STXBP3: variants seen among roughly 807,000 people sequenced by gnomAD.
STXBP3 encodes the protein syntaxin binding protein 3.
A neutral mutation model predicts 85.7 loss-of-function variants in STXBP3; 41 were observed. That is an observed-to-expected ratio of 0.48 (90% CI 0.37 to 0.62). STXBP3 has a LOEUF of 0.62. STXBP3 is among the 20% of genes least tolerant of loss of function. STXBP3 has a pLI of 0.00. For missense variants in STXBP3, 563 were observed against 703.1 expected (o/e 0.80, Z 2.25); for synonymous variants, 229 against 231.7 (o/e 0.99, Z 0.10).
intron 15 of STXBP3, among the ~76,000 whole-genome samples, chr1:108,797,330 A>C: frequency 7.6e-6 from 1 of 132,346 alleles, no homozygotes; most frequent in Admixed American, 9.4e-5. Flanking sequence ...ACAAAGTGAG[A>C]CTCTGTCTCA....
chr1:108,753,046 T>G lies in STXBP3; in HGVS notation c.100-17T>G. ...ATAGGATGCTTACAGTATTTTTAAA[T>G]TTGTGTTTGTTTTAAGATAATGCTT... is the stretch of plus-strand genomic sequence containing the variant. On this transcript the variant is annotated splice_polypyrimidine_tract_variant and intron_variant, in intron 2 of 18. Coordinates refer to ENST00000370008, the MANE Select transcript of STXBP3 (RefSeq NM_007269.4). 1 of 1,529,926 alleles carries G rather than the reference T, an allele frequency of 6.5e-7. No individual in the cohort carries two copies. The highest frequency in any genetic ancestry group is 8.8e-7 in the Non-Finnish European group (1 of 1,140,186). 94.8% of individuals were successfully genotyped at this position (1,529,926 alleles called of 1,614,324 possible).
At chr1:108,789,686 T>A (rs1370802050) in intron 11 of STXBP3, among the ~76,000 whole-genome samples, 1 of 152,206 alleles carries the variant, frequency 6.6e-6, no homozygotes, top group Non-Finnish European at 1.5e-5. Context: ...TTTCTAGTTA[T>A]CTTTCTGTTA....
chr1:108,780,705 A>T (rs1662698912), intron 9 of STXBP3: 1 of 151,548 alleles, frequency 6.6e-6, no homozygotes, highest in Admixed American at 6.6e-5. Context: ...AATACAAAGC[A>T]GCAGGAAGCT....
At chr1:108,757,771 G>T (rs1258916764) in intron 4 of STXBP3, among the ~76,000 whole-genome samples, 1 of 151,910 alleles carries the variant, frequency 6.6e-6, no homozygotes, top group Non-Finnish European at 1.5e-5. Context: ...TTATTGTTAG[G>T]AAATAAATAA....
chr1:108,764,362 T>C (rs920782125), intron 6 of STXBP3, among the ~76,000 whole-genome samples: 1 of 152,178 alleles, frequency 6.6e-6, no homozygotes, highest in Non-Finnish European at 1.5e-5. Context: ...AGTGAACATA[T>C]ACGTGCATGT....
chr1:108,799,810 A>G (rs554661230), intron 16 of STXBP3, among the ~76,000 whole-genome samples: 1 of 152,344 alleles, frequency 6.6e-6, no homozygotes, highest in East Asian at 1.9e-4. Flanking sequence ...AATAAAATGA[A>G]AAGGAAAACT....
chr1:108,754,275 A>G (rs1380297021), intron 3 of STXBP3, among the ~76,000 whole-genome samples: 6 of 152,092 alleles, frequency 3.9e-5, no homozygotes, highest in African/African-American at 7.2e-5. Context: ...GGTTCAAGTA[A>G]TCCACTTGCC....
At chr1:108,807,026 G>A (rs1663351313) in intron 17 of STXBP3, among the ~76,000 whole-genome samples, 1 of 152,168 alleles carries the variant, frequency 6.6e-6, no homozygotes, top group African/African-American at 2.4e-5. Context: ...GGCCAAGGTA[G>A]GCAGATCACG....
At chr1:108,795,145 G>A (rs971149804) in intron 13 of STXBP3, among the ~76,000 whole-genome samples, 5 of 152,008 alleles carry the variant, frequency 3.3e-5, no homozygotes, top group Non-Finnish European at 7.4e-5. Flanking sequence ...TTTGTTTAAT[G>A]GAATGATTTA....
Position 108,779,310 on chromosome 1 carries a change from A to G in STXBP3, c.709A>G (p.Ile237Val). ...IKGKTHSQLL[I>V]IDRGFDPVST... is the part of the protein sequence containing the mutation. ...GGGTAAAACTCATTCACAGCTCTTA[A>G]TAATTGATCGTGGCTTTGATCCTGT... is the stretch of plus-strand genomic sequence containing the variant. The change falls in exon 9 of 19, where the codon ATA becomes GTA. Residue 237 changes from isoleucine (I) to valine (V), a missense_variant. Around this residue, in one of 3 missense-constraint regions of STXBP3, gnomAD observed 494 missense variants for 592.8 expected, o/e 0.83. Transcript: ENST00000370008. The G allele has an allele frequency of 6.2e-7, 1 of 1,612,782 alleles. No homozygotes were observed. The highest frequency in any genetic ancestry group is 8.5e-7 in the Non-Finnish European group (1 of 1,179,220).
chr1:108,805,097 C>T (rs542468424), intron 17 of STXBP3, among the ~76,000 whole-genome samples: 12 of 152,322 alleles, frequency 7.9e-5, no homozygotes, highest in African/African-American at 2.9e-4. Flanking sequence ...TCAGTCTTCA[C>T]ATGTGTGTGA....
At chr1:108,779,627 G>T (rs1453997903) in intron 9 of STXBP3, 1 of 387,116 alleles carries the variant, frequency 2.6e-6, no homozygotes, top group Non-Finnish European at 4.3e-6. Context: ...CATTTTTGGT[G>T]TGTTTGCTTC....
intron 1 of STXBP3, among the ~76,000 whole-genome samples, chr1:108,751,399 C>A (rs1375794420): frequency 6.6e-6 from 1 of 152,134 alleles, no homozygotes; most frequent in Non-Finnish European, 1.5e-5. Flanking sequence ...CAGTTTTTAA[C>A]ATGACTTGTT....
At chr1:108,795,302 A>T (rs1663065981) in intron 13 of STXBP3, among the ~76,000 whole-genome samples, 2 of 152,104 alleles carry the variant, frequency 1.3e-5, no homozygotes, top group Admixed American at 6.6e-5. Flanking sequence ...ATAGAATACA[A>T]GCTGCATGTA....
intron 3 of STXBP3, among the ~76,000 whole-genome samples, chr1:108,753,996 A>C (rs1030203872): frequency 1.3e-5 from 2 of 150,872 alleles, no homozygotes; most frequent in Non-Finnish European, 3.0e-5. Flanking sequence ...GTCTGACCAT[A>C]TAATATTTAT....
intron 6 of STXBP3, among the ~76,000 whole-genome samples, chr1:108,762,468 AT>A (rs550150817): frequency 4.0e-4 from 58 of 146,812 alleles, no homozygotes; most frequent in Non-Finnish European, 4.5e-4. Flanking sequence ...ATGATTGTAA[AT>A]TTTTTTTTTT....
chr1:108,770,958 A>C (rs1339968143), intron 6 of STXBP3, among the ~76,000 whole-genome samples: 1 of 152,170 alleles, frequency 6.6e-6, no homozygotes, highest in East Asian at 1.9e-4. Context: ...GGACATGAAG[A>C]GTATAAGCTA....
At chr1:108,752,397 G>C in intron 2 of STXBP3, 91 bp downstream of exon 2, 1 of 1,197,458 alleles carries the variant, frequency 8.4e-7, no homozygotes. Context: ...CATGGTATTA[G>C]GTATTCTAGT....
intron 3 of STXBP3, 112 bp downstream of exon 3, chr1:108,753,256 G>A: frequency 1.5e-6 from 1 of 645,808 alleles, no homozygotes; most frequent in Non-Finnish European, 2.5e-6. Context: ...TTAAATTACT[G>A]TAGCCATAAC....
Sources: allele counts gnomAD v4.1 joint callset (sites outside exome capture counted in the v4.1 genomes callset), GRCh38; gene constraint gnomAD v4.1.1; regional missense constraint gnomAD v4.1.1; transcripts MANE v1.5; gene names NCBI Gene and HGNC (gene_info 2026-07-23, HGNC 2026-07-21).